NCOA1: variants seen among roughly 807,000 people sequenced by gnomAD.
NCOA1 encodes the protein Hin-2 protein.
NCOA1 carries 35 observed loss-of-function variants against 150.9 expected under a neutral mutation model. The ratio of observed to expected loss-of-function variants is 0.23; its 90% CI spans 0.18 to 0.31. NCOA1 has a LOEUF of 0.31. Among genes scored for constraint, NCOA1 ranks in the 10% least tolerant of loss-of-function variants. The pLI is 1.00. For synonymous variants in NCOA1, 590 were observed against 630.0 expected (o/e 0.94, Z 0.95); for missense variants, 1,491 against 1,749.3 (o/e 0.85, Z 2.63).
At chr2:24,541,710 T>C (rs1168352282) in intron 1 of NCOA1, among the ~76,000 whole-genome samples, 2 of 152,230 alleles carry the variant, frequency 1.3e-5, no homozygotes, top group African/African-American at 4.8e-5. Context: ...AAATAATCCT[T>C]GAGAGAGCCT....
intron 1 of NCOA1, among the ~76,000 whole-genome samples, chr2:24,549,624 T>C (rs888409338): frequency 6.6e-6 from 1 of 152,226 alleles, no homozygotes; most frequent in Admixed American, 6.5e-5. Context: ...TGGAGTGCAG[T>C]GGCGCAATCT....
intron 2 of NCOA1, among the ~76,000 whole-genome samples, chr2:24,569,579 T>TTTA (rs1666653738): frequency 1.5e-5 from 2 of 133,180 alleles, no homozygotes; most frequent in African/African-American, 2.6e-5. Flanking sequence ...TTTTTTTTTT[T>TTTA]ACTGAATTTG....
At position 24,491,569 on chromosome 2, in the gene NCOA1, G is replaced by A. The variant is rs1662960140; in HGVS notation, c.-429G>A. 6.7e-6 allele frequency among the ~76,000 whole-genome samples: 1 copy of A among 148,880 alleles called. No individual in the cohort carries two copies. Among genetic ancestry groups the A allele is most frequent in the South Asian group, 2.1e-4 (1 of 4,814 alleles). ...CGCCACGGTCGCGGACGAGTGCGGC[G>A]CCGGTGAGCGGGGCCCAGAGGCGGC... On this transcript the variant is annotated 5_prime_UTR_variant, in exon 1 of 23. Coordinates refer to ENST00000348332, the MANE Select transcript of NCOA1 (RefSeq NM_003743.5).
intron 15 of NCOA1, 90 bp downstream of exon 15, chr2:24,726,796 TG>T: frequency 1.6e-6 from 1 of 640,532 alleles, no homozygotes; most frequent in Non-Finnish European, 2.5e-6. Flanking sequence ...CAGTCTACAG[TG>T]GTATTTTGTG....
intron 1 of NCOA1, among the ~76,000 whole-genome samples, chr2:24,509,459 G>A (rs1165412224): frequency 7.9e-5 from 12 of 152,216 alleles, no homozygotes; most frequent in Admixed American, 6.5e-4. Flanking sequence ...AAAGTGAGAA[G>A]TACGCTGGGA....
chr2:24,562,562 G>GA (rs1249112233), intron 1 of NCOA1, among the ~76,000 whole-genome samples: 1 of 152,090 alleles, frequency 6.6e-6, no homozygotes, highest in Non-Finnish European at 1.5e-5. Context: ...AAAAGTTTGG[G>GA]AAAAAAGGCA....
intron 17 of NCOA1, among the ~76,000 whole-genome samples, chr2:24,730,338 T>G (rs956280630): frequency 1.3e-5 from 2 of 152,222 alleles, no homozygotes; most frequent in Non-Finnish European, 2.9e-5. Context: ...ATTCATTCAA[T>G]TAGGCTCCTA....
intron 3 of NCOA1, among the ~76,000 whole-genome samples, chr2:24,634,113 G>A (rs1229671088): frequency 3.9e-5 from 6 of 151,974 alleles, no homozygotes; most frequent in Non-Finnish European, 7.4e-5. Context: ...AACATAAAAC[G>A]TTATATTGTT....
intron 1 of NCOA1, among the ~76,000 whole-genome samples, chr2:24,518,440 A>G (rs1252121104): frequency 6.6e-6 from 1 of 152,134 alleles, no homozygotes; most frequent in African/African-American, 2.4e-5. Flanking sequence ...CAAGGGAAGT[A>G]TATCTCTTCT....
At chr2:24,715,865 G>A (rs986894821) in intron 14 of NCOA1, among the ~76,000 whole-genome samples, 25 of 152,104 alleles carry the variant, frequency 1.6e-4, no homozygotes, top group African/African-American at 6.0e-4. Flanking sequence ...GCAGGCGGCC[G>A]GGCGCAGTGG....
intron 19 of NCOA1, among the ~76,000 whole-genome samples, chr2:24,749,950 G>C (rs1194459668): frequency 1.3e-5 from 2 of 152,064 alleles, no homozygotes; most frequent in African/African-American, 2.4e-5. Flanking sequence ...GCTTGAATAT[G>C]TTAAGTAGAG....
At chr2:24,573,645 T>A (rs1026064022) in intron 2 of NCOA1, among the ~76,000 whole-genome samples, 1 of 152,104 alleles carries the variant, frequency 6.6e-6, no homozygotes, top group Non-Finnish European at 1.5e-5. Context: ...TGCAACATTT[T>A]AAAAAATCAA....
chr2:24,726,256 T>A (rs561244656), intron 14 of NCOA1, among the ~76,000 whole-genome samples: 93 of 152,200 alleles, frequency 6.1e-4, no homozygotes, highest in Non-Finnish European at 1.2e-3. Context: ...CATATTCTGA[T>A]ATGTGACTGA....
At chr2:24,671,393 A>G (rs1251711407) in intron 6 of NCOA1, among the ~76,000 whole-genome samples, 2 of 152,156 alleles carry the variant, frequency 1.3e-5, no homozygotes, top group African/African-American at 2.4e-5. Flanking sequence ...GCAGTGGTGC[A>G]TGTCTGTAAT....
chr2:24,703,944 GTAT>G (rs1673289090), intron 11 of NCOA1, among the ~76,000 whole-genome samples: 1 of 152,042 alleles, frequency 6.6e-6, no homozygotes, highest in African/African-American at 2.4e-5. Context: ...GAATTATATG[GTAT>G]TATTAAAACA....
intron 6 of NCOA1, among the ~76,000 whole-genome samples, chr2:24,671,158 A>T (rs1473358580): frequency 6.6e-6 from 1 of 152,248 alleles, no homozygotes; most frequent in African/African-American, 2.4e-5. Flanking sequence ...ACTGCAGATT[A>T]TTTATATAAT....
At chr2:24,560,406 C>T (rs530124338) in intron 1 of NCOA1, among the ~76,000 whole-genome samples, 1 of 152,112 alleles carries the variant, frequency 6.6e-6, no homozygotes, top group African/African-American at 2.4e-5. Context: ...CTTTGTTAGA[C>T]CAAGAGAAGT....
At chr2:24,544,652 G>A (rs1383218073) in intron 1 of NCOA1, among the ~76,000 whole-genome samples, 1 of 152,096 alleles carries the variant, frequency 6.6e-6, no homozygotes, top group Non-Finnish European at 1.5e-5. Context: ...GGTGGGAGGA[G>A]CACCTGAGCT....
At chr2:24,673,266 T>C (rs545136692) in intron 6 of NCOA1, 100 bp from the exon 7 acceptor site, 4 of 712,934 alleles carry the variant, frequency 5.6e-6, no homozygotes, top group Admixed American at 6.7e-5. Context: ...CTAAATGTTA[T>C]TTGAATTTGA....
Sources: allele counts gnomAD v4.1 joint callset (sites outside exome capture counted in the v4.1 genomes callset), GRCh38; gene constraint gnomAD v4.1.1; transcripts MANE v1.5; gene names NCBI Gene and HGNC (gene_info 2026-07-23, HGNC 2026-07-21).